Variants in SPMIP2 observed in about 807,000 individuals in gnomAD.
SPMIP2 encodes the protein sperm microtubule inner protein 2.
At chr4:159,027,000 A>G in the SPMIP2 span, among the ~76,000 whole-genome samples, 1 of 151,860 alleles carries the variant, frequency 6.6e-6, no homozygotes, top group Middle Eastern at 3.4e-3. Flanking sequence ...GATAGCAGCA[A>G]CTGATTTTTT....
At chr4:159,078,888 C>T in the SPMIP2 span, among the ~76,000 whole-genome samples, 75 of 152,182 alleles carry the variant, frequency 4.9e-4, no homozygotes, top group Non-Finnish European at 8.2e-4. Flanking sequence ...GAGGCTGAGG[C>T]GGGTGAATCA....
At chr4:158,987,484 G>A in the SPMIP2 span, among the ~76,000 whole-genome samples, 2 of 152,236 alleles carry the variant, frequency 1.3e-5, no homozygotes, top group East Asian at 3.9e-4. Flanking sequence ...CCTTTGTAGG[G>A]ACATGGATGA....
At chr4:159,020,785 G>C in the SPMIP2 span, among the ~76,000 whole-genome samples, 3 of 151,960 alleles carry the variant, frequency 2.0e-5, no homozygotes, top group African/African-American at 7.3e-5. Context: ...TTGTTGAGAC[G>C]GTGTCTCACT....
the SPMIP2 span, chr4:159,064,440 G>A: frequency 6.6e-6 from 1 of 152,064 alleles, no homozygotes; most frequent in Non-Finnish European, 1.5e-5. Context: ...AGCCAAGTAG[G>A]CTAGAAAAGG....
chr4:159,046,822 C>T, the SPMIP2 span, among the ~76,000 whole-genome samples: 2 of 152,270 alleles, frequency 1.3e-5, no homozygotes, highest in Admixed American at 6.5e-5. Context: ...ATCCACCCAC[C>T]TTGGCCTCCC....
chr4:159,025,058 A>G, the SPMIP2 span, among the ~76,000 whole-genome samples: 4 of 152,222 alleles, frequency 2.6e-5, no homozygotes, highest in African/African-American at 9.6e-5. Flanking sequence ...TATCTTGTCC[A>G]AGGTCACAAC....
At chr4:159,011,959 G>A in the SPMIP2 span, among the ~76,000 whole-genome samples, 6 of 151,626 alleles carry the variant, frequency 4.0e-5, no homozygotes, top group Non-Finnish European at 7.4e-5. Context: ...AGGAGGCTGA[G>A]GCAGGAGAAT....
the SPMIP2 span, among the ~76,000 whole-genome samples, chr4:158,902,827 C>A: frequency 6.6e-6 from 1 of 152,142 alleles, no homozygotes; most frequent in Non-Finnish European, 1.5e-5. Context: ...ATGGTGGATG[C>A]CCCTCCCCCA....
chr4:159,026,479 G>A, the SPMIP2 span: 2 of 730,058 alleles, frequency 2.7e-6, no homozygotes, highest in Non-Finnish European at 2.4e-6. Flanking sequence ...GGTAGACTGT[G>A]TCATGAACAA....
chr4:158,972,425 G>A, the SPMIP2 span, among the ~76,000 whole-genome samples: 1 of 152,120 alleles, frequency 6.6e-6, no homozygotes, highest in Non-Finnish European at 1.5e-5. Flanking sequence ...AAGAATTTGA[G>A]GAAATTCAGT....
chr4:158,911,234 G>T, the SPMIP2 span, among the ~76,000 whole-genome samples: 1 of 152,084 alleles, frequency 6.6e-6, no homozygotes, highest in Non-Finnish European at 1.5e-5. Flanking sequence ...TGTAATCCCA[G>T]CTACTCAGGA....
the SPMIP2 span, among the ~76,000 whole-genome samples, chr4:158,936,988 C>A: frequency 6.6e-6 from 1 of 152,176 alleles, no homozygotes. Context: ...ATCACCCACC[C>A]CTTCTCGAGA....
chr4:158,984,103 AAT>A, the SPMIP2 span, among the ~76,000 whole-genome samples: 1 of 129,540 alleles, frequency 7.7e-6, no homozygotes, highest in Non-Finnish European at 1.6e-5. Context: ...ATCTATCCTA[AAT>A]ATATATGCAC....
the SPMIP2 span, among the ~76,000 whole-genome samples, chr4:159,014,524 A>G: frequency 6.6e-6 from 1 of 150,970 alleles, no homozygotes; most frequent in Non-Finnish European, 1.5e-5. Context: ...TTTTTTTTTT[A>G]TTATACTTTA....
chr4:158,921,840 T>C, the SPMIP2 span, among the ~76,000 whole-genome samples: 1 of 151,956 alleles, frequency 6.6e-6, no homozygotes, highest in African/African-American at 2.4e-5. Flanking sequence ...TTTGTAAACT[T>C]CTTCTACTAC....
the SPMIP2 span, among the ~76,000 whole-genome samples, chr4:159,068,800 T>C: frequency 3.3e-5 from 5 of 151,508 alleles, no homozygotes; most frequent in Non-Finnish European, 5.9e-5. Flanking sequence ...AAAAGGTAAA[T>C]TGGGATGGAG....
At chr4:158,972,729 C>G in the SPMIP2 span, among the ~76,000 whole-genome samples, 1 of 152,264 alleles carries the variant, frequency 6.6e-6, no homozygotes, top group African/African-American at 2.4e-5. Flanking sequence ...GGATGCCCAG[C>G]ACAGGCTTCT....
At chr4:159,026,360 A>G in the SPMIP2 span, 1 of 728,252 alleles carries the variant, frequency 1.4e-6, no homozygotes, top group Non-Finnish European at 2.5e-6. Context: ...GCTCATAGCA[A>G]AAAAACTCAG....
the SPMIP2 span, among the ~76,000 whole-genome samples, chr4:158,980,181 C>G: frequency 8.1e-3 from 1,012 of 124,618 alleles, 11 homozygotes; most frequent in African/African-American, 0.026. Context: ...CAAGGCATCT[C>G]TGAACAAAAG....
Sources: gnomAD v4.1 joint callset for allele counts (sites outside exome capture counted in the v4.1 genomes callset) on GRCh38, gnomAD v4.1.1 for gene constraint, MANE v1.5 for transcripts, NCBI Gene and HGNC (gene_info 2026-07-23, HGNC 2026-07-21) for gene names.